Variants in MAP3K2 observed in about 807,000 individuals in gnomAD.
MAP3K2 encodes mitogen-activated protein kinase kinase kinase 2, also known as MAP/ERK kinase kinase 2.
In MAP3K2, 24 loss-of-function variants were observed where a neutral mutation model predicts 80.3. The observed-to-expected ratio is 0.30, with a 90% CI of 0.22 to 0.42. The LOEUF (loss-of-function observed/expected upper bound fraction) is 0.42, where lower values mean the gene tolerates loss of function less well. Among genes scored for constraint, MAP3K2 ranks in the 10% least tolerant of loss-of-function variants. MAP3K2 has a pLI of 1.00. For missense variants in MAP3K2, 608 were observed against 750.1 expected, an observed-to-expected ratio of 0.81 and a Z score of 2.21; for synonymous variants, 244 against 253.7, an observed-to-expected ratio of 0.96 and a Z score of 0.36.
intron 1 of MAP3K2, among the ~76,000 whole-genome samples, chr2:127,353,187 G>A (rs1263094611): frequency 1.3e-5 from 2 of 150,972 alleles, no homozygotes; most frequent in Non-Finnish European, 2.9e-5. Flanking sequence ...GAGCCCCTCT[G>A]CCTGGCTGCC....
chr2:127,305,480 A>G lies in MAP3K2; in HGVS notation c.*2099T>C, dbSNP rs1685678667. On this transcript the variant is annotated 3_prime_UTR_variant, in exon 17 of 17. Transcript: ENST00000682094. ...TTCTTAGACTAGCTAGTGGAATTTCAAATATTCCTACAGGGAATGCTAGGT... is the reference window on the plus strand; with the variant it reads ...TTCTTAGACTAGCTAGTGGAATTTCGAATATTCCTACAGGGAATGCTAGGT... The G allele has an allele frequency of 1.3e-5, 2 of 152,160 alleles. 1 individual carries two copies. Among genetic ancestry groups the G allele is most frequent in the South Asian group, 4.1e-4 (2 of 4,824 alleles). The allele number at this position is 152,160 out of a possible 1,614,324, so 9.4% of individuals were successfully genotyped here. A position where few individuals can be genotyped will look rare whatever the true frequency, so the allele number is the denominator to read the frequency against.
chr2:127,378,639 CA>C (rs1288044271), intron 1 of MAP3K2, among the ~76,000 whole-genome samples: 19 of 152,242 alleles, frequency 1.2e-4, no homozygotes, highest in Admixed American at 1.2e-3. Context: ...CAGCTAGTCA[CA>C]AAAACTGTTA....
At chr2:127,325,694 A>C in intron 9 of MAP3K2, 34 bp downstream of exon 9, 1 of 1,537,436 alleles carries the variant, frequency 6.5e-7, no homozygotes, top group Non-Finnish European at 9.0e-7. Flanking sequence ...TCAAATAAAC[A>C]AATAAACCCT....
At chr2:127,326,840 A>G in intron 7 of MAP3K2, 23 bp from the exon 8 acceptor site, 1 of 1,486,130 alleles carries the variant, frequency 6.7e-7, no homozygotes, top group Non-Finnish European at 9.1e-7. Context: ...AAATAATGTA[A>G]TTTATAATTA....
At chr2:127,342,388 G>GGGGGGTGTGTGTGT (rs143219830) in intron 2 of MAP3K2, among the ~76,000 whole-genome samples, 7 of 147,862 alleles carry the variant, frequency 4.7e-5, no homozygotes, top group African/African-American at 1.8e-4. Flanking sequence ...TCTTCATGAG[G>GGGGGGTGTGTGTGT]GTGTGTGTGT....
chr2:127,308,887 C>T (rs1558972211), intron 15 of MAP3K2, 125 bp from the exon 16 acceptor site: 4 of 956,220 alleles, frequency 4.2e-6, no homozygotes, highest in Admixed American at 5.2e-5. Flanking sequence ...GGCTGCTTTT[C>T]ATCCTCTGGC....
intron 7 of MAP3K2, among the ~76,000 whole-genome samples, chr2:127,328,012 C>A (rs1686177343): frequency 1.3e-5 from 2 of 152,192 alleles, no homozygotes. Context: ...CTGTGGCTCA[C>A]GCCTGTAATC....
chr2:127,319,668 A>AG (rs1685977124), intron 12 of MAP3K2, among the ~76,000 whole-genome samples: 1 of 149,060 alleles, frequency 6.7e-6, no homozygotes, highest in African/African-American at 2.5e-5. Flanking sequence ...AAAAAAAAAA[A>AG]AAAAAAAAAA....
chr2:127,352,321 G>A (rs544341217), intron 1 of MAP3K2, among the ~76,000 whole-genome samples: 47 of 152,182 alleles, frequency 3.1e-4, no homozygotes, highest in African/African-American at 1.1e-3. Flanking sequence ...TTTAAATACC[G>A]GTAGGCTAAA....
In MAP3K2 at chr2:127,329,910, T is replaced by C. The variant is rs371716668; in HGVS notation, c.466+11A>G. The C allele has an allele frequency of 6.2e-5, 91 of 1,456,716 alleles. No individual in the cohort carries two copies. The African/African-American group carries it at 1.1e-3, about 18-fold the overall frequency. 90.2% of individuals were successfully genotyped at this position (1,456,716 alleles called of 1,614,324 possible). On this transcript the variant is annotated intron_variant, in intron 7 of 16. Transcript: ENST00000682094. ...ATCATTCATTTCATAATTCAGACACTAGTTTCTTACCTATTATAGATAGCC... is the reference window on the plus strand; with the variant it reads ...ATCATTCATTTCATAATTCAGACACCAGTTTCTTACCTATTATAGATAGCC...
intron 1 of MAP3K2, among the ~76,000 whole-genome samples, chr2:127,375,119 C>T (rs543315088): frequency 5.3e-5 from 8 of 152,216 alleles, no homozygotes; most frequent in Non-Finnish European, 7.4e-5. Flanking sequence ...GAATTGTTAA[C>T]GTGGGGGAGA....
intron 1 of MAP3K2, among the ~76,000 whole-genome samples, chr2:127,378,520 A>C (rs144477645): frequency 6.6e-6 from 1 of 152,198 alleles, no homozygotes; most frequent in Non-Finnish European, 1.5e-5. Context: ...TTGTAACATA[A>C]TTTTTTATGA....
intron 1 of MAP3K2, among the ~76,000 whole-genome samples, chr2:127,366,554 C>T (rs1181501676): frequency 6.6e-6 from 1 of 152,072 alleles, no homozygotes; most frequent in African/African-American, 2.4e-5. Context: ...TTTTTCCCCC[C>T]ATTTGAAGTA....
rs1452098812 is a variant in MAP3K2 at position 127,339,625 on chromosome 2, T to C, written c.5-575A>G. ...ACTAAAAACAGACTATTTAAAGATC[T>C]TGGCCAGCAACAATGTAAGAAAATT... On this transcript the variant is annotated intron_variant, in intron 2 of 16. Coordinates refer to ENST00000682094, the MANE Select transcript of MAP3K2 (RefSeq NM_001371910.2). This position sits in a 1 kb window ranked among gnomAD's most constrained non-coding sequence, Gnocchi z 4.2. Among the ~76,000 whole-genome samples, 2 of 152,202 alleles carry C rather than the reference T, an allele frequency of 1.3e-5. No individual in the cohort carries two copies. Among genetic ancestry groups the C allele is most frequent in the African/African-American group, 4.8e-5 (2 of 41,452 alleles).
chr2:127,331,897 T>C (rs1046752359), intron 5 of MAP3K2, among the ~76,000 whole-genome samples: 7 of 152,192 alleles, frequency 4.6e-5, no homozygotes, highest in African/African-American at 1.7e-4. Flanking sequence ...TGAGCCACCA[T>C]GCCCAGCCAA....
chr2:127,325,638 C>T, intron 9 of MAP3K2, 90 bp downstream of exon 9: 1 of 967,276 alleles, frequency 1.0e-6, no homozygotes, highest in Non-Finnish European at 1.6e-6. Context: ...CAGTAAGCCG[C>T]ATTCACGCCA....
rs563358426 is a variant in MAP3K2, at chr2:127,363,576, A to G, written c.-65-20382T>C. ...ACACGTTGCCTGAACCTCAAACTCC[A>G]ACACAAAAACCCAAGACTAGCCAAT... On this transcript the variant is annotated intron_variant, in intron 1 of 16. Transcript: ENST00000682094. Among the ~76,000 whole-genome samples the G allele has an allele frequency of 8.3e-4, 127 of 152,320 alleles. 2 individuals carry two copies. The highest frequency in any genetic ancestry group is 2.8e-3 in the African/African-American group (116 of 41,566).
In MAP3K2 at chr2:127,320,513, T is replaced by C. The variant is rs1685996765; in HGVS notation, c.1045+1533A>G. ...AGACAGTATCAAATAGTCTAGTGTATAGGTAATAGGAATCCCAAAAGAAAA... is the reference window on the plus strand; with the variant it reads ...AGACAGTATCAAATAGTCTAGTGTACAGGTAATAGGAATCCCAAAAGAAAA... On this transcript the variant is annotated intron_variant, in intron 12 of 16. Coordinates refer to ENST00000682094, the MANE Select transcript of MAP3K2 (RefSeq NM_001371910.2). 3.3e-5 allele frequency among the ~76,000 whole-genome samples: 5 copies of C among 152,024 alleles called. No individual in the cohort carries two copies. In the South Asian group the frequency reaches 1.0e-3, roughly 32 times the overall value.
At position 127,322,697 on chromosome 2, in the gene MAP3K2, G is replaced by A. The variant is rs1305988607; in HGVS notation, c.839-445C>T. On this transcript the variant is annotated intron_variant, in intron 11 of 16. Coordinates refer to ENST00000682094, the MANE Select transcript of MAP3K2 (RefSeq NM_001371910.2). The surrounding 1 kb of genome is among the most constrained non-coding windows in gnomAD (Gnocchi z 4.2). ...CAACCTCCGCCTCCAGGGTTCAAGC[G>A]ATTCTCCTGTCTCAGCCTCCCAAGT... Among the ~76,000 whole-genome samples the A allele has an allele frequency of 1.3e-5, 2 of 151,920 alleles. No homozygotes were observed. The highest frequency in any genetic ancestry group is 2.9e-5 in the Non-Finnish European group (2 of 67,956).
Sources: gnomAD v4.1 joint callset for allele counts (sites outside exome capture counted in the v4.1 genomes callset) on GRCh38, gnomAD v4.1.1 for gene constraint, Gnocchi (gnomAD v3.1) non-coding constraint, MANE v1.5 for transcripts, NCBI Gene and HGNC (gene_info 2026-07-23, HGNC 2026-07-21) for gene names.